Variants in GALNT13 observed in about 807,000 individuals in gnomAD.
The protein encoded by GALNT13 is polypeptide N-acetylgalactosaminyltransferase 13.
GALNT13 carries 28 observed loss-of-function variants against 64.2 expected under a neutral mutation model. The ratio of observed to expected loss-of-function variants is 0.44; its 90% CI spans 0.32 to 0.60. The LOEUF is 0.60. Ranked by LOEUF, GALNT13 falls within the 20% of genes least tolerant of loss-of-function variation. The pLI, the probability that GALNT13 is intolerant of heterozygous loss-of-function variation, is 0.05. For synonymous variants in GALNT13, 214 were observed against 224.6 expected, an observed-to-expected ratio of 0.95 and a Z score of 0.42; for missense variants, 577 against 669.8, an observed-to-expected ratio of 0.86 and a Z score of 1.53.
chr2:153,730,353 A>G, the GALNT13 span, among the ~76,000 whole-genome samples: 1 of 151,886 alleles, frequency 6.6e-6, no homozygotes, highest in Non-Finnish European at 1.5e-5. Context: ...GAGAAAGGAC[A>G]CTCTATTCAA....
the GALNT13 span, among the ~76,000 whole-genome samples, chr2:153,706,235 T>C: frequency 2.6e-5 from 4 of 152,076 alleles, no homozygotes; most frequent in Non-Finnish European, 5.9e-5. Flanking sequence ...CACCTCGTGA[T>C]CCACCCACCT....
At chr2:153,460,571 TA>T in the GALNT13 span, among the ~76,000 whole-genome samples, 3 of 152,160 alleles carry the variant, frequency 2.0e-5, no homozygotes, top group Non-Finnish European at 4.4e-5. Flanking sequence ...ACCTAAGAAG[TA>T]ATATTATTAA....
the GALNT13 span, among the ~76,000 whole-genome samples, chr2:153,407,976 T>A: frequency 6.6e-6 from 1 of 152,118 alleles, no homozygotes; most frequent in African/African-American, 2.4e-5. Flanking sequence ...AAATGCGTGA[T>A]TTACAGTAAA....
At chr2:154,177,783 A>T (rs1685735177) in intron 4 of GALNT13, among the ~76,000 whole-genome samples, 1 of 152,188 alleles carries the variant, frequency 6.6e-6, no homozygotes, top group South Asian at 2.1e-4. Flanking sequence ...ATACATACAT[A>T]TGAGGCAGAG....
the GALNT13 span, among the ~76,000 whole-genome samples, chr2:153,806,187 GTTATACCAA>G: frequency 6.6e-6 from 1 of 152,008 alleles, no homozygotes; most frequent in South Asian, 2.1e-4. Flanking sequence ...AAAACATCTT[GTTATACCAA>G]TTGGTAATAA....
intron 3 of GALNT13, among the ~76,000 whole-genome samples, chr2:153,961,634 T>C (rs1333973531): frequency 2.6e-5 from 4 of 152,146 alleles, no homozygotes; most frequent in Non-Finnish European, 5.9e-5. Flanking sequence ...CATAGTTGAG[T>C]ATTTAGCAAA....
At chr2:153,831,413 C>G in the GALNT13 span, among the ~76,000 whole-genome samples, 1 of 152,150 alleles carries the variant, frequency 6.6e-6, no homozygotes, top group Non-Finnish European at 1.5e-5. Flanking sequence ...TTCTTCTCAT[C>G]GGCTTCCTGT....
At chr2:153,250,456 T>A in the GALNT13 span, among the ~76,000 whole-genome samples, 1 of 152,228 alleles carries the variant, frequency 6.6e-6, no homozygotes, top group African/African-American at 2.4e-5. Context: ...GTTCAACTAT[T>A]GTGGAAGACA....
chr2:153,448,383 AT>A, the GALNT13 span, among the ~76,000 whole-genome samples: 1 of 151,860 alleles, frequency 6.6e-6, no homozygotes, highest in Admixed American at 6.6e-5. Flanking sequence ...CTAACAGTTT[AT>A]TTTTTTTCCT....
At chr2:154,383,329 A>G (rs1283043110) in intron 9 of GALNT13, among the ~76,000 whole-genome samples, 2 of 151,988 alleles carry the variant, frequency 1.3e-5, no homozygotes, top group African/African-American at 4.8e-5. Context: ...AGCACTCAGT[A>G]AAAGGTGCTA....
At chr2:153,781,414 A>T in the GALNT13 span, among the ~76,000 whole-genome samples, 1 of 152,302 alleles carries the variant, frequency 6.6e-6, no homozygotes, top group Admixed American at 6.5e-5. Context: ...TTGGTGTCAC[A>T]GAATTAGAAT....
the GALNT13 span, among the ~76,000 whole-genome samples, chr2:153,076,711 T>G: frequency 6.6e-6 from 1 of 152,146 alleles, no homozygotes; most frequent in Non-Finnish European, 1.5e-5. Context: ...TTGATTTTTT[T>G]GGGCTACTTC....
At chr2:153,710,165 G>C in the GALNT13 span, among the ~76,000 whole-genome samples, 1 of 152,072 alleles carries the variant, frequency 6.6e-6, no homozygotes, top group Non-Finnish European at 1.5e-5. Context: ...CGTATGTGAG[G>C]TGATAGATAC....
chr2:153,712,740 C>T, the GALNT13 span, among the ~76,000 whole-genome samples: 296 of 152,196 alleles, frequency 1.9e-3, 2 homozygotes, highest in African/African-American at 6.5e-3. Context: ...GTAACAGAGA[C>T]GTCTTTCAAG....
At chr2:153,142,906 A>G in the GALNT13 span, among the ~76,000 whole-genome samples, 1,320 of 152,062 alleles carry the variant, frequency 8.7e-3, 11 homozygotes, top group Middle Eastern at 0.027. Flanking sequence ...GGTCCTTGTA[A>G]TTATGCAGTT....
chr2:153,133,723 CAG>C, the GALNT13 span, among the ~76,000 whole-genome samples: 2 of 152,164 alleles, frequency 1.3e-5, no homozygotes, highest in African/African-American at 4.8e-5. Context: ...TTGTCTATAA[CAG>C]AGACACAATT....
intron 1 of GALNT13, among the ~76,000 whole-genome samples, chr2:153,899,989 G>A (rs1014830612): frequency 5.8e-5 from 8 of 139,068 alleles, no homozygotes; most frequent in East Asian, 2.0e-4. Context: ...AGGCTGGAGT[G>A]CAGTGGCACG....
chr2:154,086,174 T>G (rs1020960058), intron 3 of GALNT13, among the ~76,000 whole-genome samples: 1 of 148,210 alleles, frequency 6.7e-6, no homozygotes, highest in Non-Finnish European at 1.5e-5. Flanking sequence ...ATAATACATT[T>G]ACATATAATA....
the GALNT13 span, among the ~76,000 whole-genome samples, chr2:153,516,961 C>A: frequency 6.6e-6 from 1 of 152,096 alleles, no homozygotes; most frequent in African/African-American, 2.4e-5. Context: ...ACCTCCTTCT[C>A]CACTCTTTAT....
Sources: gnomAD v4.1 joint callset for allele counts (sites outside exome capture counted in the v4.1 genomes callset) on GRCh38, gnomAD v4.1.1 for gene constraint, MANE v1.5 for transcripts, NCBI Gene and HGNC (gene_info 2026-07-23, HGNC 2026-07-21) for gene names.